TMEM232: variants seen among roughly 807,000 people sequenced by gnomAD.
TMEM232 encodes transmembrane protein 232.
Under a neutral mutation model 78.8 loss-of-function variants are expected in TMEM232, and 80 were observed. That is an observed-to-expected ratio of 1.01 (90% CI 0.85 to 1.22). TMEM232 has a LOEUF of 1.22. TMEM232 is among the 50% of genes most tolerant of loss of function. The pLI is 0.00. For synonymous variants in TMEM232, 297 were observed against 254.3 expected (o/e 1.17, Z -1.60); for missense variants, 881 against 742.2 (o/e 1.19, Z -2.17).
chr5:110,526,025 C>A (rs1237854840), intron 12 of TMEM232, among the ~76,000 whole-genome samples: 36 of 47,812 alleles, frequency 7.5e-4, no homozygotes, highest in East Asian at 1.3e-3. Flanking sequence ...CACCATACAC[C>A]AAAAAAAAAA....
At chr5:110,565,789 C>T (rs909940197) in intron 11 of TMEM232, among the ~76,000 whole-genome samples, 2 of 151,754 alleles carry the variant, frequency 1.3e-5, no homozygotes, top group Non-Finnish European at 2.9e-5. Context: ...TAAATATTAG[C>T]AATATTAATG....
chr5:110,584,646 TTA>T (rs1377106792), intron 10 of TMEM232, among the ~76,000 whole-genome samples: 1 of 152,096 alleles, frequency 6.6e-6, no homozygotes, highest in African/African-American at 2.4e-5. Flanking sequence ...TGTGAACATA[TTA>T]TGTTACTCTT....
chr5:110,497,287 TA>T (rs1257043576), intron 12 of TMEM232, among the ~76,000 whole-genome samples: 1 of 152,136 alleles, frequency 6.6e-6, no homozygotes, highest in East Asian at 1.9e-4. Flanking sequence ...AAATGTTTTC[TA>T]ATCTATAATT....
intron 1 of TMEM232, among the ~76,000 whole-genome samples, chr5:110,681,071 G>A (rs575934255): frequency 9.2e-5 from 14 of 152,232 alleles, no homozygotes; most frequent in South Asian, 2.1e-4. Flanking sequence ...CACTCTAGAC[G>A]CTCTAAGAGC....
At chr5:110,597,275 C>A (rs147588966) in intron 10 of TMEM232, among the ~76,000 whole-genome samples, 2,389 of 152,034 alleles carry the variant, frequency 0.016, 47 homozygotes, top group South Asian at 0.047. Flanking sequence ...TGCTTCAAAG[C>A]GAATAAAATA....
intron 1 of TMEM232, among the ~76,000 whole-genome samples, chr5:110,724,502 T>C (rs186073373): frequency 3.9e-5 from 6 of 152,348 alleles, no homozygotes; most frequent in African/African-American, 1.2e-4. Flanking sequence ...TCTCAGTTAA[T>C]ATAATCACTC....
chr5:110,526,025 C>CAAAAAAAAAAAAAAAAAAA (rs758110596), intron 12 of TMEM232, among the ~76,000 whole-genome samples: 2 of 47,808 alleles, frequency 4.2e-5, no homozygotes, highest in African/African-American at 8.5e-5. Context: ...CACCATACAC[C>CAAAAAAAAAAAAAAAAAAA]AAAAAAAAAA....
chr5:110,597,328 G>A lies in TMEM232; in HGVS notation c.1276+7781C>T, dbSNP rs1197428079. 4.6e-5 allele frequency among the ~76,000 whole-genome samples: 7 copies of A among 152,062 alleles called. 1 individual carries two copies. The highest frequency in any genetic ancestry group is 1.3e-4 in the Admixed American group (2 of 15,262). ...CAAGGGACGTGAAGGACCTCTTCAA[G>A]GAGAACTACAAACCACTGCTCAATG... On this transcript the variant is annotated intron_variant, in intron 10 of 13. Coordinates refer to ENST00000455884, the MANE Select transcript of TMEM232 (RefSeq NM_001039763.4).
rs935361512 is a variant in TMEM232, at chr5:110,678,849, A to T, written c.-12-11485T>A. Reference sequence around the variant, plus strand: ...TAAGGTTCCTCCATGTCTTTTTATGACTTAATAGCATATTCATTTTTAGTG... The same window carrying T: ...TAAGGTTCCTCCATGTCTTTTTATGTCTTAATAGCATATTCATTTTTAGTG... On this transcript the variant is annotated intron_variant, in intron 1 of 13. Transcript: ENST00000455884. 3.3e-5 allele frequency among the ~76,000 whole-genome samples: 5 copies of T among 152,114 alleles called. No individual in the cohort carries two copies. In the East Asian group the frequency reaches 5.8e-4, roughly 18 times the overall value.
chr5:110,696,409 C>T (rs184135233), intron 1 of TMEM232, among the ~76,000 whole-genome samples: 1 of 152,150 alleles, frequency 6.6e-6, no homozygotes, highest in South Asian at 2.1e-4. Flanking sequence ...GGGATGCCCT[C>T]TCTCACCACT....
At chr5:110,424,960 C>G (rs1447300101) in intron 12 of TMEM232, 44 bp from the exon 13 acceptor site, 1 of 1,291,262 alleles carries the variant, frequency 7.7e-7, no homozygotes, top group Non-Finnish European at 1.1e-6. Flanking sequence ...GGTATAGGTA[C>G]TCCTATTCCC....
At chr5:110,536,665 A>G (rs1772397018) in intron 11 of TMEM232, among the ~76,000 whole-genome samples, 2 of 152,318 alleles carry the variant, frequency 1.3e-5, no homozygotes, top group East Asian at 3.9e-4. Context: ...TTGATGGGTC[A>G]AAGACAAAAG....
intron 1 of TMEM232, among the ~76,000 whole-genome samples, chr5:110,697,950 G>T (rs1432013703): frequency 6.6e-6 from 1 of 152,098 alleles, no homozygotes; most frequent in Non-Finnish European, 1.5e-5. Flanking sequence ...TATACCCAAA[G>T]GATTATAAAT....
chr5:110,488,763 A>G (rs1450019275), intron 12 of TMEM232, among the ~76,000 whole-genome samples: 1 of 152,006 alleles, frequency 6.6e-6, no homozygotes, highest in Non-Finnish European at 1.5e-5. Flanking sequence ...AATCAATAGA[A>G]CGAAAAGTTG....
In TMEM232 at chr5:110,610,843, T is replaced by A. The variant is rs1034807415; in HGVS notation, c.903-4556A>T. On this transcript the variant is annotated intron_variant, in intron 8 of 13. Coordinates refer to ENST00000455884, the MANE Select transcript of TMEM232 (RefSeq NM_001039763.4). ...ACCAGATAAAATGTACATCATACTT[T>A]TTAGAGAAAAAAGAAATGGTGATAA... Among the ~76,000 whole-genome samples, 3 of 152,256 alleles carry A rather than the reference T, an allele frequency of 2.0e-5. No homozygotes were observed. The East Asian group carries it at 5.8e-4, about 29-fold the overall frequency.
At chr5:110,453,586 C>A (rs1482817478) in intron 12 of TMEM232, among the ~76,000 whole-genome samples, 2 of 152,150 alleles carry the variant, frequency 1.3e-5, no homozygotes, top group East Asian at 1.9e-4. Context: ...CAGGCGTGAG[C>A]CACGTATACC....
At chr5:110,466,830 T>G (rs1267187149) in intron 12 of TMEM232, among the ~76,000 whole-genome samples, 1 of 152,082 alleles carries the variant, frequency 6.6e-6, no homozygotes, top group East Asian at 1.9e-4. Context: ...TTAGCCAGGA[T>G]GGTCTCGATC....
At chr5:110,569,676 C>A (rs778816198) in intron 10 of TMEM232, among the ~76,000 whole-genome samples, 3 of 151,752 alleles carry the variant, frequency 2.0e-5, no homozygotes, top group Non-Finnish European at 4.4e-5. Context: ...TCAACTTTTC[C>A]AAATGAATCT....
chr5:110,392,764 A>G (rs889246718), intron 3 of TMEM232, among the ~76,000 whole-genome samples: 1 of 152,206 alleles, frequency 6.6e-6, no homozygotes, highest in Admixed American at 6.5e-5. Flanking sequence ...CAAAATATGA[A>G]TTTCAAGGGA....
Sources: gnomAD v4.1 joint callset for allele counts (sites outside exome capture counted in the v4.1 genomes callset) on GRCh38, gnomAD v4.1.1 for gene constraint, MANE v1.5 for transcripts, NCBI Gene and HGNC (gene_info 2026-07-23, HGNC 2026-07-21) for gene names.